PDE3A: variants seen among roughly 807,000 people sequenced by gnomAD.
PDE3A encodes the protein cGMP-inhibited 3',5'-cyclic phosphodiesterase 3A.
In PDE3A, 43 loss-of-function variants were observed where a neutral mutation model predicts 98.3. The observed-to-expected ratio is 0.44, with a 90% CI of 0.34 to 0.56. PDE3A has a LOEUF of 0.56. PDE3A is among the 20% of genes least tolerant of loss of function. PDE3A has a pLI of 0.01. For synonymous variants in PDE3A, 663 were observed against 567.9 expected, an observed-to-expected ratio of 1.17 and a Z score of -2.38; for missense variants, 1,427 against 1,440.7, an observed-to-expected ratio of 0.99 and a Z score of 0.15.
At chr12:20,380,845 T>G (rs1314004327) in intron 1 of PDE3A, among the ~76,000 whole-genome samples, 1 of 151,896 alleles carries the variant, frequency 6.6e-6, no homozygotes, top group Non-Finnish European at 1.5e-5. Context: ...ATAAATTAAA[T>G]TGAAATAATC....
chr12:20,414,366 G>C (rs753581303), intron 1 of PDE3A, among the ~76,000 whole-genome samples: 42 of 152,124 alleles, frequency 2.8e-4, no homozygotes, highest in Non-Finnish European at 5.3e-4. Flanking sequence ...AAAAAGTCTT[G>C]TACATCATCC....
chr12:20,527,686 G>A (rs1032036983), intron 1 of PDE3A, among the ~76,000 whole-genome samples: 8 of 152,100 alleles, frequency 5.3e-5, no homozygotes. Flanking sequence ...GCTGAGTACA[G>A]ACATATGGCA....
chr12:20,632,944 T>G, intron 6 of PDE3A, among the ~76,000 whole-genome samples: 1 of 134,950 alleles, frequency 7.4e-6, no homozygotes, highest in Non-Finnish European at 1.5e-5. Flanking sequence ...AATCTAATAA[T>G]GAGGCTTTTT....
chr12:20,586,328 G>A (rs1469932049), intron 2 of PDE3A, among the ~76,000 whole-genome samples: 4 of 152,078 alleles, frequency 2.6e-5, no homozygotes, highest in Admixed American at 6.5e-5. Context: ...AAATTATACA[G>A]CACTCTTATT....
rs59383316 is a variant in PDE3A, at chr12:20,549,196, CTA to C, written c.961-7462_961-7461del. Among the ~76,000 whole-genome samples, 263 of 151,302 alleles carry C rather than the reference CTA, an allele frequency of 1.7e-3. 1 individual carries two copies. The highest frequency in any genetic ancestry group is 6.1e-3 in the African/African-American group (252 of 41,254). ...TAGTCTTTCATCCTTTATCTGAGAA[CTA>C]TGTTTTTATGACAGTAAAATATTTT... On this transcript the variant is annotated intron_variant, in intron 1 of 15. Coordinates refer to ENST00000359062, the MANE Select transcript of PDE3A (RefSeq NM_000921.5).
chr12:20,566,460 C>T (rs974595346), intron 2 of PDE3A, among the ~76,000 whole-genome samples: 1 of 151,734 alleles, frequency 6.6e-6, no homozygotes, highest in Non-Finnish European at 1.5e-5. Flanking sequence ...ATCATTTTAA[C>T]CCTGAATTTA....
At position 20,631,738 on chromosome 12, in the gene PDE3A, T is replaced by A. The variant is rs574767765; in HGVS notation, c.1760+1611T>A. Among the ~76,000 whole-genome samples, 418 of 145,780 alleles carry A rather than the reference T, an allele frequency of 2.9e-3. 2 individuals carry two copies. Among genetic ancestry groups the A allele is most frequent in the African/African-American group, 1.0e-2 (395 of 39,698 alleles). On this transcript the variant is annotated intron_variant, in intron 6 of 15. Transcript: ENST00000359062. The stretch of plus-strand genomic sequence containing the variant: ...TTTTGTATTCTTAGCAGGAAGAATG[T>A]AATGGGATTTGTATAAAAGGTTTCA...
chr12:20,679,650 GAC>G (rs1945720562), intron 15 of PDE3A, among the ~76,000 whole-genome samples: 1 of 152,034 alleles, frequency 6.6e-6, no homozygotes. Flanking sequence ...GATTGACAGA[GAC>G]AGACTAACAA....
chr12:20,405,713 CTG>C (rs1232011831), intron 1 of PDE3A, among the ~76,000 whole-genome samples: 1 of 152,094 alleles, frequency 6.6e-6, no homozygotes, highest in Non-Finnish European at 1.5e-5. Context: ...TCATAGTTAC[CTG>C]TGTGTGGTGG....
At chr12:20,527,204 GTTTT>G (rs1283777350) in intron 1 of PDE3A, among the ~76,000 whole-genome samples, 1 of 151,916 alleles carries the variant, frequency 6.6e-6, no homozygotes, top group Non-Finnish European at 1.5e-5. Context: ...GCCCGGCCGT[GTTTT>G]TTTGTTTTGT....
chr12:20,625,784 G>A (rs553923111), intron 5 of PDE3A, among the ~76,000 whole-genome samples: 74 of 152,206 alleles, frequency 4.9e-4, no homozygotes, highest in African/African-American at 1.7e-3. Flanking sequence ...ATTAAAGGCC[G>A]AATTACTCAA....
At chr12:20,380,112 C>G (rs1943637960) in intron 1 of PDE3A, among the ~76,000 whole-genome samples, 1 of 151,786 alleles carries the variant, frequency 6.6e-6, no homozygotes, top group South Asian at 2.1e-4. Flanking sequence ...CAGCTATCAC[C>G]TTTTTTATAC....
chr12:20,537,575 C>T (rs373801191), intron 1 of PDE3A, among the ~76,000 whole-genome samples: 18 of 152,048 alleles, frequency 1.2e-4, no homozygotes, highest in African/African-American at 2.2e-4. Context: ...TTTTCCAAAC[C>T]GTGCTCTGTG....
intron 15 of PDE3A, among the ~76,000 whole-genome samples, chr12:20,661,829 T>C (rs1945177597): frequency 6.6e-6 from 1 of 152,126 alleles, no homozygotes; most frequent in African/African-American, 2.4e-5. Flanking sequence ...GCTAGGGCAG[T>C]GTGGAAGGGA....
intron 2 of PDE3A, among the ~76,000 whole-genome samples, chr12:20,597,667 CTCT>C (rs1441037775): frequency 6.6e-6 from 1 of 152,144 alleles, no homozygotes; most frequent in African/African-American, 2.4e-5. Flanking sequence ...ACTTCTTTCA[CTCT>C]TCTTATAACC....
chr12:20,524,308 T>A (rs1390778165), intron 1 of PDE3A, among the ~76,000 whole-genome samples: 1 of 152,202 alleles, frequency 6.6e-6, no homozygotes, highest in Non-Finnish European at 1.5e-5. Flanking sequence ...GTAACGATAA[T>A]CTGTCCCATT....
At chr12:20,659,849 G>A (rs985492522) in intron 15 of PDE3A, among the ~76,000 whole-genome samples, 3 of 152,150 alleles carry the variant, frequency 2.0e-5, no homozygotes, top group Non-Finnish European at 4.4e-5. Flanking sequence ...CATTTACCTG[G>A]AAATGTGGAA....
chr12:20,568,973 C>T (rs1400501158), intron 2 of PDE3A, among the ~76,000 whole-genome samples: 2 of 151,894 alleles, frequency 1.3e-5, no homozygotes, highest in Non-Finnish European at 2.9e-5. Flanking sequence ...CAAGTAATAA[C>T]TATTTTAATA....
chr12:20,430,098 TC>T (rs1437759097), intron 1 of PDE3A, among the ~76,000 whole-genome samples: 2 of 152,226 alleles, frequency 1.3e-5, no homozygotes, highest in Non-Finnish European at 1.5e-5. Flanking sequence ...AGTATCGCTT[TC>T]TGAAATGAAC....
Sources: gnomAD v4.1 joint callset for allele counts (sites outside exome capture counted in the v4.1 genomes callset) on GRCh38, gnomAD v4.1.1 for gene constraint, MANE v1.5 for transcripts, NCBI Gene and HGNC (gene_info 2026-07-23, HGNC 2026-07-21) for gene names.